The following CIST1 variants were observed in gnomAD, a reference collection of about 807,000 sequenced individuals.
CIST1 encodes colon, intestine and stomach enriched 1, also known as uncharacterized LOC729966.
At chr19:18,252,489 G>T in the CIST1 span, 1 of 385,090 alleles carries the variant, frequency 2.6e-6, no homozygotes, top group African/African-American at 2.7e-5. Flanking sequence ...GAAAAACTGG[G>T]CGCGGTGGCT....
At chr19:18,250,692 T>C in the CIST1 span, among the ~76,000 whole-genome samples, 1 of 151,330 alleles carries the variant, frequency 6.6e-6, no homozygotes, top group Non-Finnish European at 1.5e-5. Context: ...CTGCAGCCTC[T>C]ATCTCCTGGG....
At chr19:18,250,034 T>C in the CIST1 span, 1 of 398,624 alleles carries the variant, frequency 2.5e-6, no homozygotes, top group East Asian at 3.6e-5. Context: ...ACACGAGGCC[T>C]TGGATGAATG....
chr19:18,252,074 G>C, the CIST1 span: 1 of 398,946 alleles, frequency 2.5e-6, no homozygotes, highest in Non-Finnish European at 4.4e-6. Context: ...CTGGGCCAGG[G>C]GGCTCCAAGG....
the CIST1 span, chr19:18,251,982 CT>C: frequency 2.5e-6 from 1 of 398,172 alleles, no homozygotes. Context: ...GGGGCTGTAC[CT>C]CCCCCTGGTG....
At chr19:18,252,407 G>A in the CIST1 span, 9 of 398,976 alleles carry the variant, frequency 2.3e-5, no homozygotes, top group East Asian at 3.6e-5. Context: ...TGCTGTGGGC[G>A]AAGGGAGAAG....
chr19:18,254,870 A>T, the CIST1 span, among the ~76,000 whole-genome samples: 1 of 152,200 alleles, frequency 6.6e-6, no homozygotes, highest in Non-Finnish European at 1.5e-5. Flanking sequence ...TGTTCCCTGG[A>T]ACCCCCATGG....
At chr19:18,254,502 C>T in the CIST1 span, among the ~76,000 whole-genome samples, 2 of 152,286 alleles carry the variant, frequency 1.3e-5, no homozygotes, top group South Asian at 4.1e-4. Flanking sequence ...CTCACATGAG[C>T]CAAGTCAACC....
the CIST1 span, among the ~76,000 whole-genome samples, chr19:18,252,924 A>G: frequency 6.6e-6 from 1 of 151,900 alleles, no homozygotes; most frequent in Non-Finnish European, 1.5e-5. Flanking sequence ...TTTTATTTTT[A>G]ATTAATTTAT....
chr19:18,252,594 CTCTCTCTCTCTT>C, the CIST1 span: 3 of 392,626 alleles, frequency 7.6e-6, no homozygotes, highest in African/African-American at 6.4e-5. Context: ...GCGAGACCCT[CTCTCTCTCTCTT>C]TCTCTCTCTC....
At chr19:18,255,360 T>C in the CIST1 span, 1 of 398,688 alleles carries the variant, frequency 2.5e-6, no homozygotes, top group Non-Finnish European at 4.4e-6. This position sits in a 1 kb window ranked among gnomAD's most constrained non-coding sequence, Gnocchi z 4.6. Context: ...TGGCCAGGTG[T>C]GTGCCCAGGT....
At chr19:18,250,214 A>G in the CIST1 span, 1 of 398,772 alleles carries the variant, frequency 2.5e-6, no homozygotes, top group Non-Finnish European at 4.4e-6. Context: ...TTCAGACACC[A>G]AAAGGCTCTG....
the CIST1 span, among the ~76,000 whole-genome samples, chr19:18,252,628 C>A: frequency 2.1e-5 from 3 of 144,150 alleles, no homozygotes; most frequent in Non-Finnish European, 4.6e-5. Flanking sequence ...TTTTTTTTTT[C>A]TTTTTTTGAG....
the CIST1 span, among the ~76,000 whole-genome samples, chr19:18,254,014 T>C: frequency 3.3e-5 from 5 of 152,172 alleles, no homozygotes; most frequent in Non-Finnish European, 7.4e-5. Flanking sequence ...ACACTGGCCC[T>C]GAGAGGGGGC....
At chr19:18,250,076 TC>T in the CIST1 span, 1 of 398,690 alleles carries the variant, frequency 2.5e-6, no homozygotes, top group Non-Finnish European at 4.4e-6. Flanking sequence ...GTTCTGCTCC[TC>T]CCCAGGAACC....
the CIST1 span, among the ~76,000 whole-genome samples, chr19:18,253,561 A>AC: frequency 9.8e-4 from 56 of 57,012 alleles, no homozygotes; most frequent in African/African-American, 3.2e-3. Context: ...AAAAAAAAAA[A>AC]AAACACACAC....
the CIST1 span, among the ~76,000 whole-genome samples, chr19:18,253,374 C>A: frequency 7.0e-4 from 106 of 152,132 alleles, no homozygotes; most frequent in Non-Finnish European, 1.3e-3. Context: ...CATAATGAGA[C>A]CTTGTCTCTA....
the CIST1 span, chr19:18,250,260 C>G: frequency 1.0e-5 from 4 of 398,952 alleles, no homozygotes; most frequent in Middle Eastern, 6.2e-4. Context: ...TAGCAGCTCC[C>G]CCAACCATGC....
the CIST1 span, among the ~76,000 whole-genome samples, chr19:18,253,140 C>CA: frequency 6.6e-6 from 1 of 152,158 alleles, no homozygotes; most frequent in Non-Finnish European, 1.5e-5. Flanking sequence ...CCAGGCAGTG[C>CA]TGGGCAGCTC....
chr19:18,254,350 G>A, the CIST1 span, among the ~76,000 whole-genome samples: 1 of 152,214 alleles, frequency 6.6e-6, no homozygotes, highest in Non-Finnish European at 1.5e-5. Context: ...AGGAAGAGTT[G>A]GAGGACACAA....
Sources: allele counts gnomAD v4.1 joint callset (sites outside exome capture counted in the v4.1 genomes callset), GRCh38; gene constraint gnomAD v4.1.1; non-coding constraint Gnocchi (gnomAD v3.1); transcripts MANE v1.5; gene names NCBI Gene and HGNC (gene_info 2026-07-23, HGNC 2026-07-21).